Variants in LRP1 observed in about 807,000 individuals in gnomAD.
The protein encoded by LRP1 is LDL receptor related protein 1.
In LRP1, 51 loss-of-function variants were observed where a neutral mutation model predicts 541.5. That is an observed-to-expected ratio of 0.09 (90% CI 0.08 to 0.12). The LOEUF (loss-of-function observed/expected upper bound fraction) is 0.12. Ranked by LOEUF, LRP1 falls within the 10% of genes least tolerant of loss-of-function variation. The pLI is 1.00. For missense variants in LRP1, 3,878 were observed against 6,376.2 expected (o/e 0.61, Z 13.34); for synonymous variants, 2,219 against 2,470.8 (o/e 0.90, Z 3.02).
chr12:57,212,031 A>G lies in LRP1; in HGVS notation c.13349+14A>G, dbSNP rs1026661864. On this transcript the variant is annotated intron_variant, in intron 87 of 88. Coordinates refer to ENST00000243077, the MANE Select transcript of LRP1 (RefSeq NM_002332.3). This position sits in a 1 kb window ranked among gnomAD's most constrained non-coding sequence, Gnocchi z 5.0. The stretch of plus-strand genomic sequence containing the variant: ...GCGAGTCCAAGGGTGAGTCACAGGG[A>G]TTCTGGAACATTCTGGTCATTATTT... The G allele has an allele frequency of 1.1e-5, 17 of 1,613,608 alleles. No individual in the cohort carries two copies. The highest frequency in any genetic ancestry group is 1.4e-5 in the Non-Finnish European group (17 of 1,179,862).
At chr12:57,136,490 C>T (rs902542325) in intron 1 of LRP1, among the ~76,000 whole-genome samples, 10 of 150,596 alleles carry the variant, frequency 6.6e-5, no homozygotes, top group Admixed American at 4.7e-4. Flanking sequence ...CTGGCTCCTG[C>T]AGGGCAGAGG....
Position 57,179,939 on chromosome 12 carries a change from C to T in LRP1, c.5124C>T (p.Val1708=), listed in dbSNP as rs769010897. ...GCCTGGAGCAGCCCCATGGCCTTGT[C>T]GTCCACCCTCTGCGTGGGTCAGTCT... ...VQGLEQPHGL[V]VHPLRGKLYW... is the part of the protein sequence containing the mutation. The change falls in exon 30 of 89, where the codon GTC becomes GTT. Residue 1708 remains valine, a synonymous_variant. Transcript: ENST00000243077. The surrounding 1 kb of genome is among the most constrained non-coding windows in gnomAD (Gnocchi z 6.8). The T allele has an allele frequency of 8.1e-6, 13 of 1,613,930 alleles. No homozygotes were observed. The highest frequency in any genetic ancestry group is 1.6e-4 in the Middle Eastern group (1 of 6,084).
intron 1 of LRP1, 93 bp downstream of exon 1, chr12:57,129,124 G>C: frequency 1.5e-6 from 2 of 1,337,162 alleles, no homozygotes; most frequent in Non-Finnish European, 1.0e-6. Flanking sequence ...AGACGCGGGA[G>C]GGGGTGCCTT....
chr12:57,181,701 G>T (rs2036169259), intron 34 of LRP1, among the ~76,000 whole-genome samples: 1 of 152,168 alleles, frequency 6.6e-6, no homozygotes, highest in South Asian at 2.1e-4. Flanking sequence ...TGCCTGGAAA[G>T]TGATGTTTGG....
chr12:57,178,958 C>T lies in LRP1; in HGVS notation c.4675C>T (p.Arg1559Trp), dbSNP rs759297890. 2.5e-6 allele frequency: 4 copies of T among 1,613,970 alleles called. No homozygotes were observed. The highest frequency in any genetic ancestry group is 1.3e-5 in the African/African-American group (1 of 74,904). Residue 1559 changes from arginine (R) to tryptophan (W), a missense_variant, in exon 28 of 89, where the codon CGG (arginine) becomes TGG (tryptophan). Around this residue, in one of 13 missense-constraint regions of LRP1, gnomAD observed 394 missense variants for 635.9 expected, o/e 0.62. Coordinates refer to ENST00000243077, the MANE Select transcript of LRP1 (RefSeq NM_002332.3). The surrounding 1 kb of genome is among the most constrained non-coding windows in gnomAD (Gnocchi z 5.8). ...CCACCTGTGTCTCATCAACTACAAC[C>T]GGACCGTGTCCTGCGCCTGCCCCCA... ...CSHLCLINYNRTVSCACPHLM... is the reference protein window; with the variant it reads ...CSHLCLINYNWTVSCACPHLM...
rs2136760231 is a variant in LRP1 at position 57,212,763 on chromosome 12, C to A, written c.*208C>A. The A allele has an allele frequency of 3.5e-6, 2 of 564,414 alleles. No homozygotes were observed. The highest frequency in any genetic ancestry group is 3.2e-5 in the East Asian group (1 of 30,978). 35.0% of individuals were successfully genotyped at this position (564,414 alleles called of 1,614,324 possible). ...TCCCCTCCCTGCCTGCTCCTTGGCACCCCCATGCTGCCTTCAGGGAGACAG... is the reference window on the plus strand; with the variant it reads ...TCCCCTCCCTGCCTGCTCCTTGGCAACCCCATGCTGCCTTCAGGGAGACAG... On this transcript the variant is annotated 3_prime_UTR_variant, in exon 89 of 89. Transcript: ENST00000243077. This position sits in a 1 kb window ranked among gnomAD's most constrained non-coding sequence, Gnocchi z 5.0.
chr12:57,160,320 T>C (rs1260748195), intron 12 of LRP1, among the ~76,000 whole-genome samples: 1 of 152,124 alleles, frequency 6.6e-6, no homozygotes, highest in Admixed American at 6.5e-5. Flanking sequence ...TCTGACCTCA[T>C]CTGCATCCCG....
rs1234335357 is a variant in LRP1 at position 57,156,949 on chromosome 12, C to T, written c.1561+29C>T. ...AGTGACAGGGAAGGGGGTGTGTGCCCATTGGGAGGCTGCGGGAGGGTTCCT... is the reference window on the plus strand; with the variant it reads ...AGTGACAGGGAAGGGGGTGTGTGCCTATTGGGAGGCTGCGGGAGGGTTCCT... On this transcript the variant is annotated intron_variant, in intron 10 of 88. Coordinates refer to ENST00000243077, the MANE Select transcript of LRP1 (RefSeq NM_002332.3). This position sits in a 1 kb window ranked among gnomAD's most constrained non-coding sequence, Gnocchi z 5.2. 1.3e-6 allele frequency: 2 copies of T among 1,537,848 alleles called. No homozygotes were observed. The highest frequency in any genetic ancestry group is 1.8e-6 in the Non-Finnish European group (2 of 1,137,434).
chr12:57,201,172 G>A lies in LRP1; in HGVS notation c.10345+19G>A, dbSNP rs11172124. 0.24 allele frequency: 381,824 copies of A among 1,612,808 alleles called. 47,309 individuals carry two copies. The highest frequency in any genetic ancestry group is 0.26 in the Admixed American group (15,707 of 59,962). ...GACTGCCGTGAGTGTCAGAGGTGGTGGTGGGCCGGTGGTGGGAGATGACAC... is the reference window on the plus strand; with the variant it reads ...GACTGCCGTGAGTGTCAGAGGTGGTAGTGGGCCGGTGGTGGGAGATGACAC... On this transcript the variant is annotated intron_variant, in intron 65 of 88. Coordinates refer to ENST00000243077, the MANE Select transcript of LRP1 (RefSeq NM_002332.3). The surrounding 1 kb of genome is among the most constrained non-coding windows in gnomAD (Gnocchi z 6.4).
At chr12:57,146,024 G>A (rs536152824) in intron 6 of LRP1, among the ~76,000 whole-genome samples, 8 of 152,320 alleles carry the variant, frequency 5.3e-5, no homozygotes, top group African/African-American at 1.2e-4. Context: ...AGTGAATGAG[G>A]CTGGGAGAGG....
In LRP1 at chr12:57,177,791, G is replaced by A. The variant is rs1057188099; in HGVS notation, c.4361+200G>A. Among the ~76,000 whole-genome samples, 5 of 152,024 alleles carry A rather than the reference G, an allele frequency of 3.3e-5. No homozygotes were observed. Among genetic ancestry groups the A allele is most frequent in the African/African-American group, 1.2e-4 (5 of 41,396 alleles). On this transcript the variant is annotated intron_variant, in intron 26 of 88. Transcript: ENST00000243077. This position sits in a 1 kb window ranked among gnomAD's most constrained non-coding sequence, Gnocchi z 6.8. ...AGGGGAGGGGGCAGGTAGAGGAGGC[G>A]GAAGCAGGGCCATCAGCTGTGGTTA...
chr12:57,143,017 C>T (rs890171168), intron 3 of LRP1, among the ~76,000 whole-genome samples: 1 of 152,064 alleles, frequency 6.6e-6, no homozygotes, highest in Non-Finnish European at 1.5e-5. Context: ...TTAACTGGGT[C>T]GCTGGTCTGG....
Position 57,179,829 on chromosome 12 carries a change from C to T in LRP1, c.5014C>T (p.Leu1672=). ...GGCTGTGGACTGGGTCTCCCGAAAC[C>T]TGTTCTGGACAAGCTATGACACCAA... is the stretch of plus-strand genomic sequence containing the variant. ...GLAVDWVSRN[L]FWTSYDTNKK... The change falls in exon 30 of 89, where the codon CTG becomes TTG. Residue 1672 remains leucine, a synonymous_variant. Coordinates refer to ENST00000243077, the MANE Select transcript of LRP1 (RefSeq NM_002332.3). The surrounding 1 kb of genome is among the most constrained non-coding windows in gnomAD (Gnocchi z 6.8). 1 of 1,614,180 alleles carries T rather than the reference C, an allele frequency of 6.2e-7. No individual in the cohort carries two copies. The highest frequency in any genetic ancestry group is 8.5e-7 in the Non-Finnish European group (1 of 1,180,030).
chr12:57,161,496 A>G (rs898417477), intron 13 of LRP1, among the ~76,000 whole-genome samples: 2 of 152,092 alleles, frequency 1.3e-5, no homozygotes, highest in Non-Finnish European at 2.9e-5. Flanking sequence ...TAGGGACGGC[A>G]TATCTCTACA....
Position 57,184,473 on chromosome 12 carries a change from T to A in LRP1, c.6186+21T>A. 6.2e-7 allele frequency: 1 copy of A among 1,614,006 alleles called. No individual in the cohort carries two copies. The highest frequency in any genetic ancestry group is 1.1e-5 in the South Asian group (1 of 91,076). Reference sequence around the variant, plus strand: ...ACCAGGTTCGCACGCCAACTTGGCCTTGGATCCGATGGTAGACCCCTGACC... The same window carrying A: ...ACCAGGTTCGCACGCCAACTTGGCCATGGATCCGATGGTAGACCCCTGACC... On this transcript the variant is annotated intron_variant, in intron 38 of 88. Coordinates refer to ENST00000243077, the MANE Select transcript of LRP1 (RefSeq NM_002332.3). This position sits in a 1 kb window ranked among gnomAD's most constrained non-coding sequence, Gnocchi z 7.8.
Position 57,212,312 on chromosome 12 carries a change from AAC to A in LRP1, c.13494+52_13494+53del, listed in dbSNP as rs753691442. On this transcript the variant is annotated intron_variant, in intron 88 of 88. Transcript: ENST00000243077. The surrounding 1 kb of genome is among the most constrained non-coding windows in gnomAD (Gnocchi z 5.0). ...AGTGCCAAGAGGCCGTGGGTGGCCTAACCAAAGGTGTTGGGTTAGGTGAGGGA... is the reference window on the plus strand; with the variant it reads ...AGTGCCAAGAGGCCGTGGGTGGCCTACAAAGGTGTTGGGTTAGGTGAGGGA... 8 of 1,612,932 alleles carry A rather than the reference AAC, an allele frequency of 5.0e-6. No homozygotes were observed. Among genetic ancestry groups the A allele is most frequent in the Middle Eastern group, 1.6e-4 (1 of 6,078 alleles).
chr12:57,177,659 TGGTGATGAG>T lies in LRP1; in HGVS notation c.4361+78_4361+86del. The T allele has an allele frequency of 3.2e-6, 5 of 1,549,208 alleles. No homozygotes were observed. The highest frequency in any genetic ancestry group is 4.4e-6 in the Non-Finnish European group (5 of 1,133,782). On this transcript the variant is annotated intron_variant, in intron 26 of 88. Transcript: ENST00000243077. The surrounding 1 kb of genome is among the most constrained non-coding windows in gnomAD (Gnocchi z 6.8). Reference sequence around the variant, plus strand: ...CCAGGACGGGGTGGGGAGGAACCTGTGGTGATGAGGGTGATGAGAAGGACCAAGGGATCT... The same window carrying T: ...CCAGGACGGGGTGGGGAGGAACCTGTGGTGATGAGAAGGACCAAGGGATCT...
Position 57,211,077 on chromosome 12 carries a change from C to T in LRP1, c.12917-99C>T. 1 of 1,439,012 alleles carries T rather than the reference C, an allele frequency of 6.9e-7. No individual in the cohort carries two copies. The highest frequency in any genetic ancestry group is 9.5e-7 in the Non-Finnish European group (1 of 1,047,888). The allele number at this position is 1,439,012 out of a possible 1,614,324, so 89.1% of individuals were successfully genotyped here. On this transcript the variant is annotated intron_variant, in intron 83 of 88. Transcript: ENST00000243077. The surrounding 1 kb of genome is among the most constrained non-coding windows in gnomAD (Gnocchi z 4.3). ...ACACTTCCCCTGAGGCAGTGCACCC[C>T]CTGCACCAAGATTATGCAAACAGAA...
intron 1 of LRP1, among the ~76,000 whole-genome samples, chr12:57,129,340 A>T (rs767355479): frequency 6.6e-6 from 1 of 151,824 alleles, no homozygotes; most frequent in Non-Finnish European, 1.5e-5. Context: ...CTGTTCGGGG[A>T]GGGCCTCCGC....
Sources: gnomAD v4.1 joint callset for allele counts (sites outside exome capture counted in the v4.1 genomes callset) on GRCh38, gnomAD v4.1.1 for gene constraint, gnomAD v4.1.1 regional missense constraint, Gnocchi (gnomAD v3.1) non-coding constraint, MANE v1.5 for transcripts, NCBI Gene and HGNC (gene_info 2026-07-23, HGNC 2026-07-21) for gene names.